The following INTS11 variants were observed in gnomAD, a reference collection of about 807,000 sequenced individuals.
INTS11 encodes CPSF3-like protein.
In INTS11, 77 loss-of-function variants were observed where a neutral mutation model predicts 78.6. That is an observed-to-expected ratio of 0.98 (90% confidence interval 0.81 to 1.18). The LOEUF (loss-of-function observed/expected upper bound fraction) is 1.18, where lower values mean the gene tolerates loss of function less well. INTS11 is among the 50% of genes most tolerant of loss of function. INTS11 has a pLI of 0.00. For synonymous variants in INTS11, 441 were observed against 326.9 expected (o/e 1.35, Z -3.77); for missense variants, 875 against 825.9 (o/e 1.06, Z -0.73).
At chr1:1,323,002 A>G (rs1478460711) in intron 1 of INTS11, 31 of 1,389,382 alleles carry the variant, frequency 2.2e-5, no homozygotes, top group Middle Eastern at 2.7e-4. Flanking sequence ...ACAGGCAGCC[A>G]AGAGGCCAAA....
At chr1:1,322,620 C>A (rs1371350335) in intron 1 of INTS11, among the ~76,000 whole-genome samples, 1 of 105,244 alleles carries the variant, frequency 9.5e-6, no homozygotes, top group Non-Finnish European at 2.0e-5. Context: ...GCGGGGCGGG[C>A]GGAGGGAGGA....
rs1276146210 is a variant in INTS11, at chr1:1,322,827, C to T, written c.29-1734G>A. ...ACAGCAGTGGTCCAGTGAGCGCGGA[C>T]ACGGAGCCCGAGGCAGTCCCTGGTG... is the stretch of plus-strand genomic sequence containing the variant. On this transcript the variant is annotated intron_variant, in intron 1 of 16. Transcript: ENST00000435064. The T allele has an allele frequency of 1.3e-5, 13 of 1,018,214 alleles. No individual in the cohort carries two copies. In the African/African-American group the frequency reaches 1.8e-4, roughly 14 times the overall value. The allele number at this position is 1,018,214 out of a possible 1,614,324, so 63.1% of individuals were successfully genotyped here.
chr1:1,321,811 T>C, intron 1 of INTS11: 1 of 921,520 alleles, frequency 1.1e-6, no homozygotes, highest in Non-Finnish European at 1.5e-6. Context: ...TCATGTGGCC[T>C]GGGGGCCCGA....
intron 1 of INTS11, among the ~76,000 whole-genome samples, chr1:1,321,626 G>A (rs1264992294): frequency 6.6e-6 from 1 of 152,208 alleles, no homozygotes; most frequent in Non-Finnish European, 1.5e-5. Context: ...TAGCGAACAC[G>A]GTGCCAGTGG....
intron 11 of INTS11, 26 bp downstream of exon 11, chr1:1,313,009 C>G (rs761987136): frequency 1.2e-5 from 20 of 1,611,500 alleles, no homozygotes; most frequent in Non-Finnish European, 1.6e-5. Context: ...TCGGCCCTGC[C>G]AGCCCAGTGC....
chr1:1,312,885 A>G lies in INTS11; in HGVS notation c.1196T>C (p.Met399Thr), dbSNP rs753511792. 1.9e-6 allele frequency: 3 copies of G among 1,612,610 alleles called. No homozygotes were observed. The highest frequency in any genetic ancestry group is 3.3e-5 in the Admixed American group (2 of 60,028). Residue 399 changes from methionine to threonine, a missense_variant, in exon 12 of 17, where the codon ATG becomes ACG. By Grantham distance (81) the Met-to-Thr change is moderately conservative (BLOSUM62 -1). Coordinates refer to ENST00000435064, the MANE Select transcript of INTS11 (RefSeq NM_017871.6). Reference protein sequence around the residue: ...FSAHADAKGIMQLVGQAEPES... With the variant: ...FSAHADAKGITQLVGQAEPES... The stretch of plus-strand genomic sequence containing the variant: ...CGGCTCTGCCTGGCCCACCAGCTGC[A>G]TGATGCCCTTGGCGTCCGCGTGTGC...
At chr1:1,317,797 T>TA (rs1642706360) in intron 4 of INTS11, 2 of 151,952 alleles carry the variant, frequency 1.3e-5, no homozygotes, top group South Asian at 4.2e-4. Context: ...CCTAAAATCT[T>TA]ACACACCTAA....
intron 1 of INTS11, chr1:1,321,898 T>TACCACCC: frequency 3.5e-6 from 4 of 1,141,992 alleles, no homozygotes; most frequent in Non-Finnish European, 4.6e-6. Flanking sequence ...TCCCCTTGAA[T>TACCACCC]CCCACCCACC....
In INTS11 at chr1:1,312,440, G is replaced by A. The variant is rs148274722; in HGVS notation, c.1464C>T (p.Ser488=). 389 of 1,567,982 alleles carry A rather than the reference G, an allele frequency of 2.5e-4. 1 individual carries two copies. The highest frequency in any genetic ancestry group is 3.1e-4 in the Non-Finnish European group (353 of 1,157,038). The change falls in exon 14 of 17, where the codon AGC becomes AGT. Residue 488 remains serine (S), a splice_region_variant and synonymous_variant. Coordinates refer to ENST00000435064, the MANE Select transcript of INTS11 (RefSeq NM_017871.6). ...CTCCAGAGACCGTCCTGGCACTCAC[G>A]CTGTCCTTCATGATCAGGGTGCCGT... ...LLHGTLIMKD[S]NFRLVSSEQA...
rs776534030 is a variant in INTS11, at chr1:1,315,449, A to AG, written c.529-12_529-11insC. The stretch of plus-strand genomic sequence containing the variant: ...CATGTTATAATCACCCTGGTGAACG[A>AG]TCAAGGATGCCATGAGGAGGGTGCC... On this transcript the variant is annotated splice_polypyrimidine_tract_variant and intron_variant, in intron 5 of 16. Coordinates refer to ENST00000435064, the MANE Select transcript of INTS11 (RefSeq NM_017871.6). 8.7e-6 allele frequency: 14 copies of AG among 1,612,972 alleles called. No homozygotes were observed. The highest frequency in any genetic ancestry group is 1.1e-5 in the Non-Finnish European group (13 of 1,179,858).
intron 1 of INTS11, among the ~76,000 whole-genome samples, chr1:1,323,738 G>A (rs903238652): frequency 6.7e-6 from 1 of 149,764 alleles, no homozygotes; most frequent in African/African-American, 2.5e-5. Context: ...GTACATATTT[G>A]CGTTTTTTGC....
In INTS11 at chr1:1,319,036, G is replaced by T. The variant is rs772951201; in HGVS notation, c.429+260C>A. 10 of 716,822 alleles carry T rather than the reference G, an allele frequency of 1.4e-5. No individual in the cohort carries two copies. The South Asian group carries it at 1.5e-4, about 11-fold the overall frequency. The allele number at this position is 716,822 out of a possible 1,614,324, so 44.4% of individuals were successfully genotyped here. A position where few individuals can be genotyped will look rare whatever the true frequency, so the allele number is the denominator to read the frequency against. On this transcript the variant is annotated intron_variant, in intron 4 of 16. Coordinates refer to ENST00000435064, the MANE Select transcript of INTS11 (RefSeq NM_017871.6). ...CACTCTGGCCATTTCAATGCCGCTC[G>T]GACAGAGCCTGGTGGGTTCATAAGC...
chr1:1,312,410 C>G, intron 14 of INTS11, 30 bp downstream of exon 14: 1 of 1,565,062 alleles, frequency 6.4e-7, no homozygotes, highest in Non-Finnish European at 8.7e-7. Flanking sequence ...CAGCGGCCCT[C>G]CCCCCTCCAG....
In INTS11 at chr1:1,312,213, G is replaced by GGGGGGCCGGCCCCCCCCCCCCCC; in HGVS notation, c.1607+12_1607+13insGGGGGGGGGGGGGGCCGGCCCCC. On this transcript the variant is annotated intron_variant, in intron 15 of 16. Coordinates refer to ENST00000435064, the MANE Select transcript of INTS11 (RefSeq NM_017871.6). The stretch of plus-strand genomic sequence containing the variant: ...CCCAAGGGAGTGGGGGGGGGGCGGG[G>GGGGGGCCGGCCCCCCCCCCCCCC]CCGGGCGCCCACCTCTTGAGGTGGC... 1.1e-6 allele frequency: 1 copy of GGGGGGCCGGCCCCCCCCCCCCCC among 934,608 alleles called. No individual in the cohort carries two copies. 57.9% of individuals were successfully genotyped at this position (934,608 alleles called of 1,614,324 possible).
chr1:1,313,860 G>T lies in INTS11; in HGVS notation c.829C>A (p.His277Asn). The stretch of plus-strand genomic sequence containing the variant: ...CAGGGGATGAACAGCTTGTAGTAGT[G>T]GTTGGCCTTCTCGGTCAGCCCCGTG... ...FSTGLTEKAN[H>N]YYKLFIPWTN... Residue 277 changes from histidine to asparagine, a missense_variant, in exon 9 of 17, where the codon CAC (histidine) becomes AAC (asparagine). Transcript: ENST00000435064. 6.2e-7 allele frequency: 1 copy of T among 1,613,370 alleles called. No homozygotes were observed. The highest frequency in any genetic ancestry group is 2.2e-5 in the East Asian group (1 of 44,884).
Position 1,312,213 on chromosome 1 carries a change from G to GCCGGGGCCCCCCCCCCCCC in INTS11, c.1607+12_1607+13insGGGGGGGGGGGGGCCCCGG. 1.1e-6 allele frequency: 1 copy of GCCGGGGCCCCCCCCCCCCC among 934,604 alleles called. No individual in the cohort carries two copies. The highest frequency in any genetic ancestry group is 1.6e-6 in the Non-Finnish European group (1 of 636,654). The allele number at this position is 934,604 out of a possible 1,614,324, so 57.9% of individuals were successfully genotyped here. On this transcript the variant is annotated intron_variant, in intron 15 of 16. Coordinates refer to ENST00000435064, the MANE Select transcript of INTS11 (RefSeq NM_017871.6). ...CCCAAGGGAGTGGGGGGGGGGCGGG[G>GCCGGGGCCCCCCCCCCCCC]CCGGGCGCCCACCTCTTGAGGTGGC...
In INTS11 at chr1:1,312,213, G is replaced by GGGGGGGGGGGGGGCCCCCCCCC; in HGVS notation, c.1607+12_1607+13insGGGGGGGGGCCCCCCCCCCCCC. ...CCCAAGGGAGTGGGGGGGGGGCGGG[G>GGGGGGGGGGGGGGCCCCCCCCC]CCGGGCGCCCACCTCTTGAGGTGGC... is the stretch of plus-strand genomic sequence containing the variant. On this transcript the variant is annotated intron_variant, in intron 15 of 16. Coordinates refer to ENST00000435064, the MANE Select transcript of INTS11 (RefSeq NM_017871.6). 1 of 934,620 alleles carries GGGGGGGGGGGGGGCCCCCCCCC rather than the reference G, an allele frequency of 1.1e-6. No individual in the cohort carries two copies. Among genetic ancestry groups the GGGGGGGGGGGGGGCCCCCCCCC allele is most frequent in the Non-Finnish European group, 1.6e-6 (1 of 636,670 alleles). 57.9% of individuals were successfully genotyped at this position (934,620 alleles called of 1,614,324 possible).
Position 1,312,805 on chromosome 1 carries a change from T to C in INTS11, c.1276A>G (p.Lys426Glu). The C allele has an allele frequency of 6.2e-7, 1 of 1,609,544 alleles. No homozygotes were observed. Among genetic ancestry groups the C allele is most frequent in the Non-Finnish European group, 8.5e-7 (1 of 1,178,234 alleles). Residue 426 changes from lysine (K) to glutamate (E), a missense_variant, in exon 12 of 17, where the codon AAG (lysine) becomes GAG (glutamate). By Grantham distance (56) the Lys-to-Glu change is moderately conservative (BLOSUM62 1). Coordinates refer to ENST00000435064, the MANE Select transcript of INTS11 (RefSeq NM_017871.6). Reference protein sequence around the residue: ...EAKKMEFLKQKIEQELRVNCY... With the variant: ...EAKKMEFLKQEIEQELRVNCY... The stretch of plus-strand genomic sequence containing the variant: ...TGCCTACGGAGCTCCTGCTCGATCT[T>C]CTGCTTCAGGAACTCCATCTTCTTG...
At chr1:1,323,180 C>T (rs778641255) in intron 1 of INTS11, 78 of 1,550,092 alleles carry the variant, frequency 5.0e-5, no homozygotes, top group African/African-American at 5.5e-5. Flanking sequence ...GAAGCGCTCA[C>T]GCCATGGGGG....
Sources: allele counts gnomAD v4.1 joint callset (sites outside exome capture counted in the v4.1 genomes callset), GRCh38; gene constraint gnomAD v4.1.1; transcripts MANE v1.5; gene names NCBI Gene and HGNC (gene_info 2026-07-23, HGNC 2026-07-21).